The following FRMPD4 variants were observed in gnomAD, a reference collection of about 807,000 sequenced individuals.
FRMPD4 encodes FERM and PDZ domain containing 4.
Under a neutral mutation model 94.1 loss-of-function variants are expected in FRMPD4, and 22 were observed. That is an observed-to-expected ratio of 0.23 (90% CI 0.17 to 0.33). FRMPD4 has a LOEUF of 0.33. Ranked by LOEUF, FRMPD4 falls within the 10% of genes least tolerant of loss-of-function variation. FRMPD4 has a pLI of 1.00. For missense variants in FRMPD4, 1,111 were observed against 1,339.9 expected (o/e 0.83, Z 2.67); for synonymous variants, 631 against 548.6 (o/e 1.15, Z -2.10).
rs1192599300 is a variant in FRMPD4, at chrX:12,694,403, A to G, written c.882A>G (p.Pro294=). ...GAATTAGCTTCGTCCCAAAAGATCCAATTGACCTTTTAAGGAGAGATCCAG... is the reference window on the plus strand; with the variant it reads ...GAATTAGCTTCGTCCCAAAAGATCCGATTGACCTTTTAAGGAGAGATCCAG... ...LFRISFVPKD[P]IDLLRRDPVA... is the part of the protein sequence containing the mutation. The change falls in exon 9 of 17, where the codon CCA becomes CCG. Residue 294 remains proline, a synonymous_variant. Coordinates refer to ENST00000675598, the MANE Select transcript of FRMPD4 (RefSeq NM_001368397.1). The G allele has an allele frequency of 2.2e-5, 26 of 1,192,042 alleles. No homozygotes were observed. The highest frequency in any genetic ancestry group is 2.3e-4 in the Middle Eastern group (1 of 4,306).
At chrX:12,605,153 T>C (rs1025656252) in intron 2 of FRMPD4, among the ~76,000 whole-genome samples, 1 of 112,137 alleles carries the variant, frequency 8.9e-6, no homozygotes, top group Admixed American at 9.4e-5. Flanking sequence ...AACGATCATA[T>C]CAGTTCTCAC....
At chrX:12,029,449 G>A (rs2054679385) in intron 3 of FRMPD4, among the ~76,000 whole-genome samples, 2 of 111,799 alleles carry the variant, frequency 1.8e-5, no homozygotes, top group South Asian at 7.4e-4. Context: ...GTCTTTTGCA[G>A]AGCAGATATT....
chrX:12,359,345 A>G (rs1179976634), intron 1 of FRMPD4, among the ~76,000 whole-genome samples: 1 of 112,031 alleles, frequency 8.9e-6, no homozygotes, highest in Non-Finnish European at 1.9e-5. Flanking sequence ...TCTCAACTTA[A>G]TCTGATTGAA....
At chrX:12,223,312 C>A (rs1439431992) in intron 1 of FRMPD4, among the ~76,000 whole-genome samples, 1 of 111,925 alleles carries the variant, frequency 8.9e-6, no homozygotes, top group East Asian at 2.8e-4. Flanking sequence ...AACATGGGTG[C>A]AGCTGGAGGC....
chrX:12,413,013 G>A (rs1266351704), intron 1 of FRMPD4, among the ~76,000 whole-genome samples: 1 of 110,604 alleles, frequency 9.0e-6, no homozygotes, highest in Non-Finnish European at 1.9e-5. Context: ...CACTGTATGT[G>A]CCATGCACTT....
intron 1 of FRMPD4, among the ~76,000 whole-genome samples, chrX:12,356,335 T>C (rs1003857543): frequency 8.9e-6 from 1 of 112,422 alleles, no homozygotes; most frequent in African/African-American, 3.2e-5. Flanking sequence ...AAAGCCACTA[T>C]TTAAAAAGGG....
At chrX:12,346,991 A>G (rs759536956) in intron 1 of FRMPD4, among the ~76,000 whole-genome samples, 105 of 111,322 alleles carry the variant, frequency 9.4e-4, no homozygotes, top group Admixed American at 2.2e-3. Flanking sequence ...CTTTTTGTGC[A>G]CTTAATTGGG....
intron 2 of FRMPD4, among the ~76,000 whole-genome samples, chrX:12,503,968 G>A (rs756788989): frequency 8.7e-4 from 97 of 112,120 alleles, no homozygotes; most frequent in Non-Finnish European, 1.6e-3. Context: ...GAGTTAAGGT[G>A]TAAAGTTGGG....
At chrX:12,305,251 C>T (rs1363778293) in intron 1 of FRMPD4, among the ~76,000 whole-genome samples, 1 of 111,648 alleles carries the variant, frequency 9.0e-6, no homozygotes, top group Non-Finnish European at 1.9e-5. Flanking sequence ...AGCCTGTGCC[C>T]ACAGGCAGGG....
intron 3 of FRMPD4, among the ~76,000 whole-genome samples, chrX:12,113,613 T>G (rs1018028020): frequency 1.8e-5 from 2 of 111,866 alleles, no homozygotes. Flanking sequence ...AAAGCCCCTG[T>G]GATTAAATTG....
intron 2 of FRMPD4, among the ~76,000 whole-genome samples, chrX:12,545,404 G>A (rs1602106269): frequency 8.9e-6 from 1 of 112,234 alleles, no homozygotes; most frequent in East Asian, 2.8e-4. Flanking sequence ...AAACTCAGCC[G>A]CTTGCTCTGT....
chrX:12,474,409 G>A lies in FRMPD4; in HGVS notation c.42-24271G>A, dbSNP rs182459444. ...TATCACAATTAAAAGAACCAGAGAA[G>A]CAAGAGCAAACACATTCAAAAGCTA... On this transcript the variant is annotated intron_variant, in intron 1 of 16. Coordinates refer to ENST00000675598, the MANE Select transcript of FRMPD4 (RefSeq NM_001368397.1). Among the ~76,000 whole-genome samples, 31 of 111,288 alleles carry A rather than the reference G, an allele frequency of 2.8e-4. No homozygotes were observed. The East Asian group carries it at 8.2e-3, about 29-fold the overall frequency.
intron 3 of FRMPD4, among the ~76,000 whole-genome samples, chrX:11,925,958 T>G (rs1453068665): frequency 1.8e-5 from 2 of 110,921 alleles, no homozygotes; most frequent in Non-Finnish European, 3.8e-5. Context: ...CAGGAGCTGG[T>G]TTTTTGAAAA....
At chrX:11,919,155 A>G (rs947019330) in intron 3 of FRMPD4, among the ~76,000 whole-genome samples, 1 of 112,357 alleles carries the variant, frequency 8.9e-6, no homozygotes, top group Non-Finnish European at 1.9e-5. Flanking sequence ...TGTCCTGTGC[A>G]TGGTAGGATA....
At chrX:12,157,591 G>A (rs954591842) in intron 1 of FRMPD4, among the ~76,000 whole-genome samples, 6 of 112,177 alleles carry the variant, frequency 5.3e-5, no homozygotes, top group African/African-American at 1.9e-4. Context: ...CTGCCCAAGA[G>A]CTAGCATCTA....
intron 13 of FRMPD4, among the ~76,000 whole-genome samples, chrX:12,708,455 C>T (rs1375524440): frequency 7.8e-5 from 7 of 90,227 alleles, no homozygotes; most frequent in Admixed American, 1.3e-4. Flanking sequence ...GGTAACAGAG[C>T]GAGACTCCAT....
Position 12,022,490 on chromosome X carries a change from A to G in FRMPD4, c.95+144472A>G, listed in dbSNP as rs781258431. ...TCTTCTCCCTTGCCAGGAGCAGCTCACTCCTAGGTCATTCCATGTTAAATC... is the reference window on the plus strand; with the variant it reads ...TCTTCTCCCTTGCCAGGAGCAGCTCGCTCCTAGGTCATTCCATGTTAAATC... On this transcript the variant is annotated intron_variant, in intron 3 of 18. Transcript: ENST00000640291. Among the ~76,000 whole-genome samples the G allele has an allele frequency of 2.7e-5, 3 of 111,599 alleles. No individual in the cohort carries two copies. In the South Asian group the frequency reaches 1.1e-3, roughly 42 times the overall value.
At position 12,419,941 on chromosome X, in the gene FRMPD4, A is replaced by G. The variant is rs530256018; in HGVS notation, c.42-78739A>G. 1.2e-4 allele frequency among the ~76,000 whole-genome samples: 13 copies of G among 110,834 alleles called. No individual in the cohort carries two copies. The South Asian group carries it at 4.7e-3, about 40-fold the overall frequency. ...GGGCCCTCACCTCCTCCCACACTCC[A>G]TGCTTCTTTGTTTTCCGTTACCGTC... On this transcript the variant is annotated intron_variant, in intron 1 of 16. Transcript: ENST00000675598.
intron 3 of FRMPD4, among the ~76,000 whole-genome samples, chrX:11,988,006 A>T (rs765862144): frequency 8.9e-6 from 1 of 111,959 alleles, no homozygotes; most frequent in African/African-American, 3.2e-5. Flanking sequence ...AAATGTCCAT[A>T]CTACCCAAAG....
Sources: allele counts gnomAD v4.1 joint callset (sites outside exome capture counted in the v4.1 genomes callset), GRCh38; gene constraint gnomAD v4.1.1; transcripts MANE v1.5; gene names NCBI Gene and HGNC (gene_info 2026-07-23, HGNC 2026-07-21).